PLXNC1: variants seen among roughly 807,000 people sequenced by gnomAD.
PLXNC1 encodes the protein plexin C1.
In PLXNC1, 75 loss-of-function variants were observed where a neutral mutation model predicts 178.2. That is an observed-to-expected ratio of 0.42 (90% CI 0.35 to 0.51). The LOEUF (loss-of-function observed/expected upper bound fraction) is 0.51. PLXNC1 is among the 20% of genes least tolerant of loss of function. The pLI, the probability that PLXNC1 is intolerant of heterozygous loss-of-function variation, is 0.02. For missense variants in PLXNC1, 1,503 were observed against 1,984.4 expected (o/e 0.76, Z 4.61); for synonymous variants, 790 against 779.9 (o/e 1.01, Z -0.22).
chr12:94,260,904 C>T lies in PLXNC1; in HGVS notation c.3450+64C>T. 1 of 1,373,148 alleles carries T rather than the reference C, an allele frequency of 7.3e-7. No homozygotes were observed. Among genetic ancestry groups the T allele is most frequent in the South Asian group, 1.2e-5 (1 of 83,298 alleles). 85.1% of individuals were successfully genotyped at this position (1,373,148 alleles called of 1,614,324 possible). Reference sequence around the variant, plus strand: ...AATAGGCAGTTATTTTTAGCGGACTCTGATGCCTTTGCCAGGATAAATCCT... The same window carrying T: ...AATAGGCAGTTATTTTTAGCGGACTTTGATGCCTTTGCCAGGATAAATCCT... On this transcript the variant is annotated intron_variant, in intron 20 of 30. Coordinates refer to ENST00000258526, the MANE Select transcript of PLXNC1 (RefSeq NM_005761.3). This position sits in a 1 kb window ranked among gnomAD's most constrained non-coding sequence, Gnocchi z 4.4.
intron 4 of PLXNC1, among the ~76,000 whole-genome samples, chr12:94,203,330 A>G (rs890091992): frequency 1.3e-5 from 2 of 152,244 alleles, no homozygotes; most frequent in Non-Finnish European, 2.9e-5. Flanking sequence ...TACAAAGCAC[A>G]GTGGCATCTA....
chr12:94,280,512 G>A (rs1459403153), intron 22 of PLXNC1, among the ~76,000 whole-genome samples: 1 of 152,242 alleles, frequency 6.6e-6, no homozygotes, highest in Non-Finnish European at 1.5e-5. Flanking sequence ...GGTCTTGGAA[G>A]TTTGAGACCA....
chr12:94,209,795 G>T (rs1592766817), intron 5 of PLXNC1, 91 bp downstream of exon 5: 3 of 792,572 alleles, frequency 3.8e-6, no homozygotes, highest in Non-Finnish European at 6.5e-6. Context: ...ATATCCATTA[G>T]CAATCAAACA....
intron 5 of PLXNC1, among the ~76,000 whole-genome samples, chr12:94,218,828 C>G (rs1334477689): frequency 1.3e-5 from 2 of 152,122 alleles, no homozygotes; most frequent in Non-Finnish European, 2.9e-5. Context: ...TTAACTAATT[C>G]TAAAGCACAT....
chr12:94,245,196 T>A (rs528505100), intron 12 of PLXNC1, among the ~76,000 whole-genome samples: 1 of 152,332 alleles, frequency 6.6e-6, no homozygotes, highest in South Asian at 2.1e-4. Flanking sequence ...GCTCGTATAG[T>A]TTGACCCTCT....
At chr12:94,193,594 A>G (rs184422439) in intron 4 of PLXNC1, among the ~76,000 whole-genome samples, 5 of 152,284 alleles carry the variant, frequency 3.3e-5, no homozygotes, top group Non-Finnish European at 7.4e-5. Flanking sequence ...TGTACACTTG[A>G]TTCTTCCTGT....
intron 1 of PLXNC1, among the ~76,000 whole-genome samples, chr12:94,166,547 ATTATTATT>A (rs2135936780): frequency 6.7e-6 from 1 of 148,968 alleles, no homozygotes; most frequent in South Asian, 2.1e-4. Context: ...TATTATTATT[ATTATTATT>A]ATTATTATTA....
chr12:94,296,971 C>T (rs1475597162), intron 24 of PLXNC1, among the ~76,000 whole-genome samples: 1 of 152,186 alleles, frequency 6.6e-6, no homozygotes, highest in Non-Finnish European at 1.5e-5. Flanking sequence ...ACTAGGGAAT[C>T]TACTTCCTCC....
intron 30 of PLXNC1, 53 bp from the exon 31 acceptor site, chr12:94,305,128 A>C: frequency 8.5e-7 from 1 of 1,171,136 alleles, no homozygotes; most frequent in East Asian, 2.5e-5. Flanking sequence ...CAAAAAACAG[A>C]ATTGTAACGC....
intron 6 of PLXNC1, among the ~76,000 whole-genome samples, chr12:94,220,536 A>T (rs1963765499): frequency 6.6e-6 from 1 of 152,214 alleles, no homozygotes; most frequent in African/African-American, 2.4e-5. Context: ...GTTTGAGTTC[A>T]TTGCATTCAT....
At chr12:94,217,381 G>A (rs891484868) in intron 5 of PLXNC1, among the ~76,000 whole-genome samples, 4 of 151,892 alleles carry the variant, frequency 2.6e-5, no homozygotes, top group African/African-American at 7.3e-5. Flanking sequence ...TCTACATTTC[G>A]TCTGTAGACA....
chr12:94,224,584 C>T (rs943004266), intron 7 of PLXNC1, among the ~76,000 whole-genome samples: 14 of 152,026 alleles, frequency 9.2e-5, no homozygotes, highest in African/African-American at 2.9e-4. Context: ...TTCCCAGGAC[C>T]GAGAGGCAGC....
At chr12:94,280,840 T>G (rs1427875592) in intron 22 of PLXNC1, among the ~76,000 whole-genome samples, 1 of 152,176 alleles carries the variant, frequency 6.6e-6, no homozygotes, top group Admixed American at 6.5e-5. Context: ...TTCCTGAGTT[T>G]GGGTGTCCCT....
rs114414842 is a variant in PLXNC1 at position 94,192,484 on chromosome 12, C to T, written c.1439+6011C>T. On this transcript the variant is annotated intron_variant, in intron 4 of 30. Coordinates refer to ENST00000258526, the MANE Select transcript of PLXNC1 (RefSeq NM_005761.3). ...GTAATGCTGTATAACAAACAACCCC[C>T]AAATCCTTAGTGGTCTAAAAGAGCA... Among the ~76,000 whole-genome samples, 462 of 151,410 alleles carry T rather than the reference C, an allele frequency of 3.1e-3. 3 individuals carry two copies. The highest frequency in any genetic ancestry group is 0.011 in the African/African-American group (445 of 41,198).
At chr12:94,303,263 A>G (rs962709390) in intron 28 of PLXNC1, among the ~76,000 whole-genome samples, 3 of 152,218 alleles carry the variant, frequency 2.0e-5, no homozygotes, top group African/African-American at 7.2e-5. Flanking sequence ...ATGAAATAAA[A>G]GGGACAAGCT....
At position 94,164,855 on chromosome 12, in the gene PLXNC1, G is replaced by A. The variant is rs138562157; in HGVS notation, c.1063-4298G>A. Among the ~76,000 whole-genome samples, 268 of 152,292 alleles carry A rather than the reference G, an allele frequency of 1.8e-3. 1 individual carries two copies. Among genetic ancestry groups the A allele is most frequent in the African/African-American group, 6.1e-3 (255 of 41,536 alleles). On this transcript the variant is annotated intron_variant, in intron 1 of 30. Coordinates refer to ENST00000258526, the MANE Select transcript of PLXNC1 (RefSeq NM_005761.3). ...GAGAAAAGTTTCCCTCTTAGAGCCG[G>A]CAAACGTGTAGGCGTGACGTTATGC...
chr12:94,232,484 A>G lies in PLXNC1; in HGVS notation c.1981-5180A>G, dbSNP rs1177882246. 1.6e-4 allele frequency among the ~76,000 whole-genome samples: 25 copies of G among 152,324 alleles called. No homozygotes were observed. In the South Asian group the frequency reaches 3.1e-3, roughly 19 times the overall value. On this transcript the variant is annotated intron_variant, in intron 9 of 30. Coordinates refer to ENST00000258526, the MANE Select transcript of PLXNC1 (RefSeq NM_005761.3). ...GCCTTCAAGAGTGAAATTAAATTTC[A>G]CATATACCTTGCTGAGTAGCTTCTA...
intron 4 of PLXNC1, among the ~76,000 whole-genome samples, chr12:94,194,461 CA>C (rs1361899949): frequency 1.3e-5 from 2 of 152,058 alleles, no homozygotes; most frequent in Non-Finnish European, 2.9e-5. Context: ...CCAGGTATTG[CA>C]AAAAAGTGCT....
chr12:94,193,754 C>T (rs575436576), intron 4 of PLXNC1, among the ~76,000 whole-genome samples: 14 of 152,032 alleles, frequency 9.2e-5, no homozygotes, highest in Non-Finnish European at 1.3e-4. Flanking sequence ...GAGATTACAG[C>T]GGAAGGAGTG....
Sources: gnomAD v4.1 joint callset for allele counts (sites outside exome capture counted in the v4.1 genomes callset) on GRCh38, gnomAD v4.1.1 for gene constraint, Gnocchi (gnomAD v3.1) non-coding constraint, MANE v1.5 for transcripts, NCBI Gene and HGNC (gene_info 2026-07-23, HGNC 2026-07-21) for gene names.